PRDM5: variants seen among roughly 807,000 people sequenced by gnomAD.
PRDM5 encodes the protein PR domain zinc finger protein 5.
In PRDM5, 56 loss-of-function variants were observed where a neutral mutation model predicts 81.2. The observed-to-expected ratio is 0.69, with a 90% CI of 0.56 to 0.86. The LOEUF (loss-of-function observed/expected upper bound fraction) is 0.86, where lower values mean the gene tolerates loss of function less well. Among genes scored for constraint, PRDM5 ranks in the 40% least tolerant of loss-of-function variants. The pLI is 0.00. For missense variants in PRDM5, 697 were observed against 770.1 expected, an observed-to-expected ratio of 0.91 and a Z score of 1.12; for synonymous variants, 267 against 256.4, an observed-to-expected ratio of 1.04 and a Z score of -0.39.
chr4:120,908,010 G>A (rs974161030), intron 1 of PRDM5, among the ~76,000 whole-genome samples: 1 of 152,206 alleles, frequency 6.6e-6, no homozygotes, highest in Non-Finnish European at 1.5e-5. Context: ...CAGAGGAAGA[G>A]TGTTCATAAA....
chr4:120,841,362 C>A (rs549945714), intron 3 of PRDM5, among the ~76,000 whole-genome samples: 1 of 152,050 alleles, frequency 6.6e-6, no homozygotes, highest in Non-Finnish European at 1.5e-5. Flanking sequence ...AGTGGCTGAA[C>A]CTTTTATGAC....
Position 120,799,688 on chromosome 4 carries a change from G to C in PRDM5, c.1003C>G (p.Leu335Val), listed in dbSNP as rs1177191577. The part of the protein sequence containing the change: ...CMKKFISANQ[L>V]KRHMITHSEK... ...GAGTGGGTGATCATATGACGTTTTA[G>C]CTGATTAGCTGAAATAAATTTCTTC... Residue 335 changes from leucine (L) to valine (V), a missense_variant, in exon 9 of 16, where the codon CTA (leucine) becomes GTA (valine). By Grantham distance (32) the Leu-to-Val change is conservative (BLOSUM62 1). This residue lies in a region of PRDM5 where 577 missense variants were observed against 606.7 expected (regional missense o/e 0.95). Transcript: ENST00000264808. 1 of 1,612,686 alleles carries C rather than the reference G, an allele frequency of 6.2e-7. No individual in the cohort carries two copies. Among genetic ancestry groups the C allele is most frequent in the Non-Finnish European group, 8.5e-7 (1 of 1,179,690 alleles).
chr4:120,697,654 C>T (rs917944602), intron 15 of PRDM5, among the ~76,000 whole-genome samples: 3 of 147,428 alleles, frequency 2.0e-5, no homozygotes, highest in African/African-American at 7.5e-5. Context: ...CCAGATGCCA[C>T]CATGCCCAGC....
chr4:120,907,395 C>T, intron 2 of PRDM5, 79 bp downstream of exon 2: 1 of 1,106,966 alleles, frequency 9.0e-7, no homozygotes, highest in Non-Finnish European at 1.4e-6. Flanking sequence ...GAATCAATAT[C>T]AATTAATGTA....
chr4:120,700,901 G>A (rs1166542891), intron 15 of PRDM5, among the ~76,000 whole-genome samples: 2 of 152,138 alleles, frequency 1.3e-5, no homozygotes, highest in East Asian at 3.9e-4. Flanking sequence ...AAGGTGGGCG[G>A]ATCACCTGAC....
chr4:120,885,291 T>C lies in PRDM5; in HGVS notation c.177+22183A>G, dbSNP rs139780226. On this transcript the variant is annotated intron_variant, in intron 2 of 15. Coordinates refer to ENST00000264808, the MANE Select transcript of PRDM5 (RefSeq NM_018699.4). ...ACTATCTTGTCTGCAACCTACCTGA[T>C]ACCTGCCACTAGCTTGAGGATTAAG... 2.4e-3 allele frequency among the ~76,000 whole-genome samples: 358 copies of C among 152,202 alleles called. 1 individual carries two copies. Among genetic ancestry groups the C allele is most frequent in the African/African-American group, 8.3e-3 (346 of 41,510 alleles).
At chr4:120,830,406 T>C (rs902207319) in intron 3 of PRDM5, among the ~76,000 whole-genome samples, 1 of 152,092 alleles carries the variant, frequency 6.6e-6, no homozygotes, top group Non-Finnish European at 1.5e-5. Flanking sequence ...ATAAGGGTTG[T>C]ATCTTCAGAT....
rs1754522515 is a variant in PRDM5, at chr4:120,816,513, A to G, written c.805T>C (p.Cys269Arg). ...TCCTTGCTCTTCAGCCTCTTTCCACAGCTGTCAGCCTTGCACACAAACCTG... is the reference window on the plus strand; with the variant it reads ...TCCTTGCTCTTCAGCCTCTTTCCACGGCTGTCAGCCTTGCACACAAACCTG... The part of the protein sequence containing the change: ...DARFVCKADS[C>R]GKRLKSKDAL... The change falls in exon 7 of 16, where the codon TGT (cysteine) becomes CGT (arginine). Residue 269 changes from cysteine (C) to arginine (R), a missense_variant. By Grantham distance (180) the Cys-to-Arg change is radical. This residue lies in a region of PRDM5 where 577 missense variants were observed against 606.7 expected (regional missense o/e 0.95). Transcript: ENST00000264808. 6.2e-7 allele frequency: 1 copy of G among 1,614,050 alleles called. No homozygotes were observed. The highest frequency in any genetic ancestry group is 1.1e-5 in the South Asian group (1 of 91,086).
At chr4:120,788,141 A>T (rs1346467536) in intron 10 of PRDM5, among the ~76,000 whole-genome samples, 2 of 152,152 alleles carry the variant, frequency 1.3e-5, no homozygotes, top group East Asian at 3.8e-4. Flanking sequence ...CAGAAATACA[A>T]CTGACAAATT....
chr4:120,921,200 T>C (rs1421496234), intron 1 of PRDM5, among the ~76,000 whole-genome samples: 1 of 152,218 alleles, frequency 6.6e-6, no homozygotes, highest in East Asian at 1.9e-4. Flanking sequence ...CTTTTAAGAA[T>C]GAATTAAAAG....
intron 15 of PRDM5, among the ~76,000 whole-genome samples, chr4:120,708,174 G>A (rs1048544348): frequency 6.6e-6 from 1 of 152,020 alleles, no homozygotes; most frequent in African/African-American, 2.4e-5. Flanking sequence ...TTGAAAACAG[G>A]TACTCAAATA....
chr4:120,702,818 C>T (rs755163772), intron 15 of PRDM5, among the ~76,000 whole-genome samples: 7 of 152,106 alleles, frequency 4.6e-5, no homozygotes, highest in African/African-American at 1.4e-4. Flanking sequence ...CTATTTCTCT[C>T]GCCCCTTCTC....
chr4:120,879,796 T>G (rs565077903), intron 2 of PRDM5, among the ~76,000 whole-genome samples: 1 of 152,088 alleles, frequency 6.6e-6, no homozygotes, highest in South Asian at 2.1e-4. Context: ...GATCAATTGA[T>G]TATGAGATTC....
chr4:120,734,397 C>CACACACACACACACAAAT (rs1561016794), intron 14 of PRDM5, among the ~76,000 whole-genome samples: 6 of 141,050 alleles, frequency 4.3e-5, no homozygotes, highest in African/African-American at 1.7e-4. Context: ...GTGGAACACA[C>CACACACACACACACAAAT]ACACACACAC....
chr4:120,811,543 T>A (rs1753835769), intron 7 of PRDM5, 94 bp from the exon 8 acceptor site: 1 of 738,128 alleles, frequency 1.4e-6, no homozygotes, highest in Non-Finnish European at 2.3e-6. Flanking sequence ...TTCATCTTCA[T>A]AATTTAGAAT....
intron 3 of PRDM5, among the ~76,000 whole-genome samples, chr4:120,830,614 G>T (rs952058378): frequency 6.6e-6 from 1 of 152,046 alleles, no homozygotes; most frequent in South Asian, 2.1e-4. Flanking sequence ...CAAGTGACTT[G>T]AAATCAAGGA....
chr4:120,776,128 A>G (rs1273384556), intron 13 of PRDM5, among the ~76,000 whole-genome samples: 1 of 152,192 alleles, frequency 6.6e-6, no homozygotes, highest in East Asian at 1.9e-4. Flanking sequence ...TCTAATTAAG[A>G]AAAATCTTCC....
At chr4:120,789,849 G>T (rs748926934) in intron 10 of PRDM5, among the ~76,000 whole-genome samples, 2 of 152,144 alleles carry the variant, frequency 1.3e-5, no homozygotes, top group African/African-American at 2.4e-5. Context: ...GAAGTTAAAA[G>T]CATGAAATTT....
rs545231061 is a variant in PRDM5, at chr4:120,788,315, C to A, written c.1189-3224G>T. 1.7e-4 allele frequency among the ~76,000 whole-genome samples: 26 copies of A among 152,076 alleles called. 2 individuals carry two copies. In the East Asian group the frequency reaches 5.0e-3, roughly 29 times the overall value. On this transcript the variant is annotated intron_variant, in intron 10 of 15. Coordinates refer to ENST00000264808, the MANE Select transcript of PRDM5 (RefSeq NM_018699.4). ...TACTTTAGGTGACAAAAGCAGAATG[C>A]AAAACATAATATAAAGAATACCATT...
Sources: gnomAD v4.1 joint callset for allele counts (sites outside exome capture counted in the v4.1 genomes callset) on GRCh38, gnomAD v4.1.1 for gene constraint, gnomAD v4.1.1 regional missense constraint, MANE v1.5 for transcripts, NCBI Gene and HGNC (gene_info 2026-07-23, HGNC 2026-07-21) for gene names.